GON4L: variants seen among roughly 807,000 people sequenced by gnomAD.
The protein encoded by GON4L is gon-4 like.
GON4L carries 87 observed loss-of-function variants against 211.8 expected under a neutral mutation model. The ratio of observed to expected loss-of-function variants is 0.41; its 90% CI spans 0.35 to 0.49. The LOEUF is 0.49. Among genes scored for constraint, GON4L ranks in the 20% least tolerant of loss-of-function variants. GON4L has a pLI of 0.15. For missense variants in GON4L, 2,155 were observed against 2,659.5 expected, an observed-to-expected ratio of 0.81 and a Z score of 4.17; for synonymous variants, 875 against 962.6, an observed-to-expected ratio of 0.91 and a Z score of 1.68.
At chr1:155,800,633 CAGA>C (rs1666555549) in intron 11 of GON4L, among the ~76,000 whole-genome samples, 1 of 151,984 alleles carries the variant, frequency 6.6e-6, no homozygotes, top group East Asian at 1.9e-4. Flanking sequence ...GCGAGTGGAA[CAGA>C]AGGTCAGGAG....
Position 155,789,305 on chromosome 1 carries a change from A to T in GON4L, c.1748-3931T>A, listed in dbSNP as rs539548347. On this transcript the variant is annotated intron_variant, in intron 12 of 31. Transcript: ENST00000368331. Reference sequence around the variant, plus strand: ...AATTACCTATAAAAAGAAATCATAAACAAATATGGAGCTCTAGTTCATTAT... The same window carrying T: ...AATTACCTATAAAAAGAAATCATAATCAAATATGGAGCTCTAGTTCATTAT... 9.2e-5 allele frequency among the ~76,000 whole-genome samples: 14 copies of T among 152,258 alleles called. No individual in the cohort carries two copies. In the South Asian group the frequency reaches 2.9e-3, roughly 32 times the overall value.
intron 1 of GON4L, 95 bp from the exon 2 acceptor site, chr1:155,853,901 C>T: frequency 1.3e-6 from 1 of 779,358 alleles, no homozygotes; most frequent in Non-Finnish European, 2.1e-6. Context: ...CGATCATGAA[C>T]ACAATACTTC....
intron 14 of GON4L, among the ~76,000 whole-genome samples, chr1:155,782,334 A>G (rs1296304634): frequency 6.6e-6 from 1 of 152,220 alleles, no homozygotes; most frequent in Non-Finnish European, 1.5e-5. Flanking sequence ...ATATTCAGAG[A>G]TGGCTCCATA....
intron 14 of GON4L, among the ~76,000 whole-genome samples, 199 bp downstream of exon 14, chr1:155,783,787 G>A (rs930598953): frequency 1.1e-4 from 17 of 152,170 alleles, no homozygotes; most frequent in Non-Finnish European, 1.9e-4. Flanking sequence ...TTCCCAAACG[G>A]ATATAGCTTG....
chr1:155,841,960 G>A (rs1283422412), intron 2 of GON4L, among the ~76,000 whole-genome samples: 2 of 152,064 alleles, frequency 1.3e-5, no homozygotes, highest in Non-Finnish European at 2.9e-5. Context: ...CCTGGAAGGC[G>A]GCTGTTGCAG....
intron 10 of GON4L, among the ~76,000 whole-genome samples, chr1:155,810,343 A>C (rs1481616593): frequency 6.6e-6 from 1 of 152,062 alleles, no homozygotes; most frequent in Non-Finnish European, 1.5e-5. Context: ...ATTATATCAT[A>C]CTTTAAAATT....
At chr1:155,835,683 T>C (rs1397919552) in intron 2 of GON4L, among the ~76,000 whole-genome samples, 1 of 152,192 alleles carries the variant, frequency 6.6e-6, no homozygotes, top group Non-Finnish European at 1.5e-5. Flanking sequence ...CATGTTGTCT[T>C]TGTATACATA....
At chr1:155,805,791 G>A (rs1428241308) in intron 10 of GON4L, among the ~76,000 whole-genome samples, 2 of 151,802 alleles carry the variant, frequency 1.3e-5, no homozygotes, top group African/African-American at 2.4e-5. Context: ...TTGGGTTCAA[G>A]TGATTCTCCT....
At chr1:155,797,051 A>G (rs1157115114) in intron 11 of GON4L, among the ~76,000 whole-genome samples, 1 of 152,176 alleles carries the variant, frequency 6.6e-6, no homozygotes, top group East Asian at 1.9e-4. Context: ...CCCACAGAGT[A>G]TCTAGAAAGA....
intron 2 of GON4L, among the ~76,000 whole-genome samples, chr1:155,838,382 T>C (rs185377725): frequency 1.3e-5 from 2 of 152,372 alleles, no homozygotes; most frequent in South Asian, 2.1e-4. Context: ...ACTGGCAAAA[T>C]GCCCATGTGT....
intron 2 of GON4L, among the ~76,000 whole-genome samples, chr1:155,851,080 C>G (rs1162778254): frequency 8.3e-6 from 1 of 120,460 alleles, no homozygotes; most frequent in East Asian, 2.5e-4. Flanking sequence ...AAGGGCCGGG[C>G]GCGGTGGCAC....
chr1:155,830,005 C>T (rs1473908372), intron 2 of GON4L, among the ~76,000 whole-genome samples: 4 of 150,824 alleles, frequency 2.7e-5, no homozygotes, highest in Non-Finnish European at 1.5e-5. Context: ...GGCTGGAGTA[C>T]GGTGGCATGA....
At position 155,853,405 on chromosome 1, in the gene GON4L, T is replaced by C. The variant is rs759198016; in HGVS notation, c.376A>G (p.Thr126Ala). Residue 126 changes from threonine to alanine, a missense_variant, in exon 2 of 32, where the codon ACT (threonine) becomes GCT (alanine). Thr to Ala is a moderately conservative substitution (Grantham distance 58, BLOSUM62 0). Around this residue, in one of 6 missense-constraint regions of GON4L, gnomAD observed 313 missense variants for 293.2 expected, o/e 1.07. Coordinates refer to ENST00000368331, the MANE Select transcript of GON4L (RefSeq NM_001282860.2). ...IHIGKGKLHA[T>A]GSKRGKKMTL... is the part of the protein sequence containing the mutation. ...ATTTTTTTCCCTCTCTTTGAGCCAG[T>C]AGCGTGGAGTTTTCCTTTACCAATG... The C allele has an allele frequency of 6.2e-6, 10 of 1,613,996 alleles. No individual in the cohort carries two copies. The highest frequency in any genetic ancestry group is 3.3e-5 in the South Asian group (3 of 91,078).
At chr1:155,761,220 G>A (rs1038670015) in intron 23 of GON4L, among the ~76,000 whole-genome samples, 50 of 106,410 alleles carry the variant, frequency 4.7e-4, no homozygotes, top group African/African-American at 1.9e-3. Context: ...TCATTCTGTT[G>A]CCCAGGATGG....
chr1:155,840,651 T>C (rs1038351363), intron 2 of GON4L, among the ~76,000 whole-genome samples: 1 of 152,330 alleles, frequency 6.6e-6, no homozygotes, highest in South Asian at 2.1e-4. Context: ...ACAGCTCATC[T>C]AGAGAAGGCA....
rs149182729 is a variant in GON4L, at chr1:155,766,402, C to T, written c.3071G>A (p.Arg1024Gln). ...CGGAGGGGCTTCTGAATGAGTTGAT[C>T]GGGCTGGTGTTTTCCCAGGGTTGAA... ...PSFNPGKTPA[R>Q]STHSEAPPSK... Residue 1024 changes from arginine to glutamine, a missense_variant, in exon 21 of 32, where the codon CGA (arginine) becomes CAA (glutamine). This residue lies in a region of GON4L where 615 missense variants were observed against 625.7 expected (regional missense o/e 0.98). Transcript: ENST00000368331. 1,395 of 1,613,880 alleles carry T rather than the reference C, an allele frequency of 8.6e-4. No individual in the cohort carries two copies. The highest frequency in any genetic ancestry group is 2.3e-3 in the East Asian group (101 of 44,874).
At chr1:155,815,697 A>G in intron 8 of GON4L, 108 bp downstream of exon 8, 1 of 732,308 alleles carries the variant, frequency 1.4e-6, no homozygotes, top group Admixed American at 2.0e-5. Flanking sequence ...CACAGAAATG[A>G]GCTGAAAAAA....
rs768908282 is a variant in GON4L, at chr1:155,760,619, A to G, written c.4934T>C (p.Ile1645Thr). 2.5e-6 allele frequency: 4 copies of G among 1,613,130 alleles called. No individual in the cohort carries two copies. In the East Asian group the frequency reaches 8.9e-5, roughly 36 times the overall value. The change falls in exon 24 of 32, where the codon ATC becomes ACC. Residue 1645 changes from isoleucine (I) to threonine (T), a missense_variant. This residue lies in a region of GON4L where 455 missense variants were observed against 504.6 expected (regional missense o/e 0.90). Coordinates refer to ENST00000368331, the MANE Select transcript of GON4L (RefSeq NM_001282860.2). The part of the protein sequence containing the change: ...LTRVREALQH[I>T]PGKYEDFLQV... ...AAGGAAGTCTTCATACTTGCCAGGG[A>G]TATGTTGTAGGGCTTCTCGCACCTA...
At chr1:155,776,842 C>T (rs959976521) in intron 15 of GON4L, among the ~76,000 whole-genome samples, 3 of 152,248 alleles carry the variant, frequency 2.0e-5, no homozygotes, top group South Asian at 2.1e-4. Context: ...TGTGAGCCAC[C>T]GTAACCCAGC....
Sources: allele counts gnomAD v4.1 joint callset (sites outside exome capture counted in the v4.1 genomes callset), GRCh38; gene constraint gnomAD v4.1.1; regional missense constraint gnomAD v4.1.1; transcripts MANE v1.5; gene names NCBI Gene and HGNC (gene_info 2026-07-23, HGNC 2026-07-21).